Variants in ABL1 observed in about 807,000 individuals in gnomAD.
The protein encoded by ABL1 is ABL proto-oncogene 1, non-receptor tyrosine kinase.
A neutral mutation model predicts 94.7 loss-of-function variants in ABL1; 11 were observed. The ratio of observed to expected loss-of-function variants is 0.12; its 90% CI spans 0.07 to 0.19. The LOEUF (loss-of-function observed/expected upper bound fraction) is 0.19, where lower values mean the gene tolerates loss of function less well. Ranked by LOEUF, ABL1 falls within the 10% of genes least tolerant of loss-of-function variation. The probability of loss-of-function intolerance (pLI) is 1.00; values close to 1 mark genes in which losing one functional copy is unlikely to be tolerated. For missense variants in ABL1, 1,082 were observed against 1,489.4 expected (o/e 0.73, Z 4.50); for synonymous variants, 656 against 622.4 (o/e 1.05, Z -0.80).
chr9:130,835,982 TGTGTTAAAAAGATCGACCC>T lies in ABL1; in HGVS notation c.79+463_79+481del, dbSNP rs1830575520. ...GAATTTCCACCGTTAATTGGGACTG[TGTGTTAAAAAGATCGACCC>T]GTGTTTGTGAAAACATGCGATTTCC... On this transcript the variant is annotated intron_variant, in intron 1 of 10. Transcript: ENST00000318560. This position sits in a 1 kb window ranked among gnomAD's most constrained non-coding sequence, Gnocchi z 4.6. 1.3e-5 allele frequency among the ~76,000 whole-genome samples: 2 copies of T among 152,336 alleles called. No individual in the cohort carries two copies. Among genetic ancestry groups the T allele is most frequent in the South Asian group, 4.1e-4 (2 of 4,824 alleles).
intron 1 of ABL1, among the ~76,000 whole-genome samples, chr9:130,762,117 T>C (rs1230896818): frequency 2.2e-5 from 3 of 134,016 alleles, no homozygotes; most frequent in African/African-American, 9.1e-5. Flanking sequence ...CACTTCTGCC[T>C]GGGCAACAAG....
At position 130,863,076 on chromosome 9, in the gene ABL1, A is replaced by G; in HGVS notation, c.822+41A>G. On this transcript the variant is annotated intron_variant, in intron 4 of 10. Transcript: ENST00000318560. The surrounding 1 kb of genome is among the most constrained non-coding windows in gnomAD (Gnocchi z 4.3). The stretch of plus-strand genomic sequence containing the variant: ...CGGGGGTGCCCAGGGTACGTGGGGC[A>G]AGGCGTCTGCTGGCATTAGGCGATG... The G allele has an allele frequency of 6.5e-7, 1 of 1,543,884 alleles. No homozygotes were observed. Among genetic ancestry groups the G allele is most frequent in the South Asian group, 1.3e-5 (1 of 79,858 alleles).
intron 1 of ABL1, among the ~76,000 whole-genome samples, chr9:130,735,957 A>ATTT (rs1238756333): frequency 3.0e-4 from 13 of 43,838 alleles, no homozygotes; most frequent in African/African-American, 1.1e-3. Context: ...ATATATATAT[A>ATTT]TATATTTTTT....
At chr9:130,829,795 ATCCTAATAAT>A (rs1283745997) in intron 1 of ABL1, among the ~76,000 whole-genome samples, 1 of 152,228 alleles carries the variant, frequency 6.6e-6, no homozygotes, top group East Asian at 1.9e-4. Flanking sequence ...TATTTATATC[ATCCTAATAAT>A]GTAAACACTA....
In ABL1 at chr9:130,796,177, AAATAAT is replaced by A. The variant is rs1384072261; in HGVS notation, c.137-57881_137-57876del. Among the ~76,000 whole-genome samples, 14 of 152,272 alleles carry A rather than the reference AAATAAT, an allele frequency of 9.2e-5. No individual in the cohort carries two copies. In the South Asian group the frequency reaches 1.9e-3, roughly 20 times the overall value. The stretch of plus-strand genomic sequence containing the variant: ...CACGGAGTGAGACTCCGTCTCAAAA[AAATAAT>A]AATAAGATAAAAAATAGGGATTTAT... On this transcript the variant is annotated intron_variant, in intron 1 of 10. Coordinates refer to the ABL1 transcript ENST00000372348.
rs115073600 is a variant in ABL1, at chr9:130,799,003, G to A, written c.137-55061G>A. Among the ~76,000 whole-genome samples the A allele has an allele frequency of 3.7e-3, 551 of 149,122 alleles. 7 individuals are homozygous for A. The highest frequency in any genetic ancestry group is 0.013 in the African/African-American group (542 of 40,236). The stretch of plus-strand genomic sequence containing the variant: ...AAAAAAAGAATTGGAAGGGAATGGA[G>A]GAAGCAAGGTGGTTAAACAAAAATC... On this transcript the variant is annotated intron_variant, in intron 1 of 10. Coordinates refer to the ABL1 transcript ENST00000372348.
At chr9:130,732,684 A>G (rs1405659250) in intron 1 of ABL1, among the ~76,000 whole-genome samples, 2 of 152,110 alleles carry the variant, frequency 1.3e-5, no homozygotes, top group Non-Finnish European at 1.5e-5. Flanking sequence ...TCAGGTTACA[A>G]ACCTTTTCCC....
chr9:130,772,704 A>G (rs1233209656), intron 1 of ABL1, among the ~76,000 whole-genome samples: 4 of 152,180 alleles, frequency 2.6e-5, no homozygotes, highest in Admixed American at 2.6e-4. Context: ...GGCCAGAGTG[A>G]ATGTCCTGAG....
At position 130,717,178 on chromosome 9, in the gene ABL1, G is replaced by C. The variant is rs564790210; in HGVS notation, c.136+2723G>C. Among the ~76,000 whole-genome samples the C allele has an allele frequency of 4.6e-5, 7 of 152,130 alleles. 1 individual carries two copies. In the East Asian group the frequency reaches 1.2e-3, roughly 25 times the overall value. On this transcript the variant is annotated intron_variant, in intron 1 of 10. Coordinates refer to the ABL1 transcript ENST00000372348. ...GTGCCTCAGCCTCCTGAGTAGCTGG[G>C]ATTACAGGCATGCACCACCACAAGT...
chr9:130,796,154 C>G (rs971592612), intron 1 of ABL1, among the ~76,000 whole-genome samples: 3 of 151,900 alleles, frequency 2.0e-5, no homozygotes, highest in Admixed American at 2.0e-4. Context: ...GCCTGGGTCA[C>G]GGAGTGAGAC....
intron 1 of ABL1, among the ~76,000 whole-genome samples, chr9:130,849,977 C>T (rs1442278570): frequency 1.3e-5 from 2 of 152,138 alleles, no homozygotes; most frequent in Non-Finnish European, 2.9e-5. Context: ...AGTGGAAGCT[C>T]GTAACTGGCT....
chr9:130,819,847 T>C (rs1830337080), intron 1 of ABL1, among the ~76,000 whole-genome samples: 1 of 150,426 alleles, frequency 6.6e-6, no homozygotes, highest in Non-Finnish European at 1.5e-5. Flanking sequence ...AGCTGAAAAA[T>C]ACCTACTTTT....
At chr9:130,778,523 C>T (rs910029765) in intron 1 of ABL1, among the ~76,000 whole-genome samples, 11 of 152,120 alleles carry the variant, frequency 7.2e-5, no homozygotes, top group African/African-American at 2.7e-4. Context: ...CTGGTTTTCC[C>T]CCGCCCTCTG....
upstream of ABL1, chr9:130,833,959 A>G (rs1830525381): frequency 8.9e-6 from 4 of 450,852 alleles, no homozygotes; most frequent in Admixed American, 4.7e-5. Context: ...CCAATGCTTT[A>G]ATCCACTTGG....
At position 130,872,103 on chromosome 9, in the gene ABL1, T is replaced by C; in HGVS notation, c.823-26T>C. On this transcript the variant is annotated intron_variant, in intron 4 of 10. Transcript: ENST00000318560. This position sits in a 1 kb window ranked among gnomAD's most constrained non-coding sequence, Gnocchi z 5.0. The stretch of plus-strand genomic sequence containing the variant: ...CTGAAAAGCACTTCCTGAAATAATT[T>C]CACCTTCGTTTTTTTCCTTCTGCAG... 2 of 1,609,778 alleles carry C rather than the reference T, an allele frequency of 1.2e-6. No individual in the cohort carries two copies. The highest frequency in any genetic ancestry group is 1.7e-6 in the Non-Finnish European group (2 of 1,176,402).
rs1452278222 is a variant in ABL1 at position 130,886,611 on chromosome 9, C to T, written c.*928C>T. 1 of 233,494 alleles carries T rather than the reference C, an allele frequency of 4.3e-6. No homozygotes were observed. The highest frequency in any genetic ancestry group is 8.5e-6 in the Non-Finnish European group (1 of 118,040). The allele number at this position is 233,494 out of a possible 1,614,324, so 14.5% of individuals were successfully genotyped here. A position where few individuals can be genotyped will look rare whatever the true frequency, so the allele number is the denominator to read the frequency against. The stretch of plus-strand genomic sequence containing the variant: ...CCCAGACTGGGCCCAGGCAGGTCTG[C>T]AAGGGCCCAGAGTGAACCGTCCTTT... On this transcript the variant is annotated 3_prime_UTR_variant, in exon 11 of 11. Coordinates refer to ENST00000318560, the MANE Select transcript of ABL1 (RefSeq NM_005157.6).
intron 1 of ABL1, among the ~76,000 whole-genome samples, chr9:130,717,791 A>T (rs1831462711): frequency 6.6e-6 from 1 of 152,026 alleles, no homozygotes; most frequent in South Asian, 2.1e-4. Context: ...AAGTGGGCAG[A>T]TCACCTGAGG....
chr9:130,841,775 G>T (rs1564307548), intron 1 of ABL1, among the ~76,000 whole-genome samples: 1 of 151,922 alleles, frequency 6.6e-6, no homozygotes, highest in African/African-American at 2.4e-5. Flanking sequence ...TCTCACCATT[G>T]TACTCCAGCC....
At chr9:130,860,934 T>C (rs1406909987) in intron 3 of ABL1, among the ~76,000 whole-genome samples, 1 of 152,198 alleles carries the variant, frequency 6.6e-6, no homozygotes, top group African/African-American at 2.4e-5. Context: ...AGAGAGTGCG[T>C]GGACGTCACC....
Sources: gnomAD v4.1 joint callset for allele counts (sites outside exome capture counted in the v4.1 genomes callset) on GRCh38, gnomAD v4.1.1 for gene constraint, Gnocchi (gnomAD v3.1) non-coding constraint, MANE v1.5 for transcripts, NCBI Gene and HGNC (gene_info 2026-07-23, HGNC 2026-07-21) for gene names.